TNRC6B: variants seen among roughly 807,000 people sequenced by gnomAD.
TNRC6B encodes the protein trinucleotide repeat containing adaptor 6B, also known as trinucleotide repeat-containing gene 6B protein.
TNRC6B carries 52 observed loss-of-function variants against 203.6 expected under a neutral mutation model. The ratio of observed to expected loss-of-function variants is 0.26; its 90% CI spans 0.20 to 0.32. The LOEUF is 0.32. Among genes scored for constraint, TNRC6B ranks in the 10% least tolerant of loss-of-function variants. The pLI, the probability that TNRC6B is intolerant of heterozygous loss-of-function variation, is 1.00. For missense variants in TNRC6B, 1,923 were observed against 2,286.2 expected (o/e 0.84, Z 3.24); for synonymous variants, 838 against 845.7 (o/e 0.99, Z 0.16).
At chr22:40,045,061 G>T (rs1354171050) in intron 1 of TNRC6B, 2 of 145,800 alleles carry the variant, frequency 1.4e-5, no homozygotes, top group African/African-American at 4.9e-5. Flanking sequence ...GGACGGAGCG[G>T]GGCGGCCGGG....
At chr22:40,073,151 T>G (rs1011530374) in intron 1 of TNRC6B, among the ~76,000 whole-genome samples, 3 of 150,674 alleles carry the variant, frequency 2.0e-5, no homozygotes, top group Non-Finnish European at 3.0e-5. Context: ...GTTTTTTTTT[T>G]TTTTTTTTTT....
chr22:40,154,548 A>G (rs992582283), intron 3 of TNRC6B, among the ~76,000 whole-genome samples: 2 of 151,302 alleles, frequency 1.3e-5, no homozygotes, highest in African/African-American at 4.9e-5. Flanking sequence ...GGTTAAAAAT[A>G]CATATTTTCT....
intron 11 of TNRC6B, among the ~76,000 whole-genome samples, chr22:40,282,322 AT>A (rs2070729447): frequency 6.6e-6 from 1 of 152,202 alleles, no homozygotes; most frequent in Admixed American, 6.5e-5. Context: ...TAAAAAATGG[AT>A]TATACTATAT....
At chr22:40,273,739 G>A (rs1056312296) in intron 7 of TNRC6B, 139 bp downstream of exon 7, 16 of 904,412 alleles carry the variant, frequency 1.8e-5, no homozygotes, top group Middle Eastern at 3.6e-4. Flanking sequence ...GTCACGACTC[G>A]CTGAGCAACC....
intron 12 of TNRC6B, among the ~76,000 whole-genome samples, chr22:40,297,949 C>T (rs1044269841): frequency 6.6e-6 from 1 of 151,622 alleles, no homozygotes; most frequent in South Asian, 2.1e-4. Context: ...GGTGAAACCC[C>T]GTCTCTACTA....
chr22:40,258,264 A>G (rs2070315421), intron 3 of TNRC6B, among the ~76,000 whole-genome samples: 1 of 151,948 alleles, frequency 6.6e-6, no homozygotes, highest in African/African-American at 2.4e-5. Flanking sequence ...ACAGCCTGAA[A>G]AGTAACATAT....
chr22:40,075,156 A>ATTTTTTT (rs58240994), intron 1 of TNRC6B, among the ~76,000 whole-genome samples: 6 of 35,550 alleles, frequency 1.7e-4, no homozygotes, highest in Non-Finnish European at 2.6e-4. Flanking sequence ...ATATATATAT[A>ATTTTTTT]TTTTTTTTTT....
intron 1 of TNRC6B, among the ~76,000 whole-genome samples, chr22:40,113,865 T>G (rs563837148): frequency 6.6e-6 from 1 of 152,238 alleles, no homozygotes; most frequent in Admixed American, 6.5e-5. Flanking sequence ...GCTGCCTCAC[T>G]TAAGACATCT....
chr22:40,172,329 T>G (rs192587182), intron 4 of TNRC6B, among the ~76,000 whole-genome samples: 8 of 152,384 alleles, frequency 5.2e-5, no homozygotes, highest in African/African-American at 1.9e-4. Context: ...TATGAGGATG[T>G]CAGCTCCATA....
chr22:40,049,250 T>C (rs775350434), intron 1 of TNRC6B, among the ~76,000 whole-genome samples: 72 of 152,124 alleles, frequency 4.7e-4, no homozygotes, highest in Non-Finnish European at 7.9e-4. Context: ...TTCACCATGT[T>C]GGCCAGGCTG....
intron 1 of TNRC6B, among the ~76,000 whole-genome samples, chr22:40,196,860 A>G (rs919333807): frequency 4.6e-5 from 7 of 152,040 alleles, no homozygotes; most frequent in African/African-American, 1.7e-4. Flanking sequence ...GAACTGATTC[A>G]TTAAGTGCCT....
chr22:40,278,042 T>C lies in TNRC6B; in HGVS notation c.3260T>C (p.Val1087Ala). The change falls in exon 9 of 23, where the codon GTA becomes GCA. Residue 1087 changes from valine to alanine, a missense_variant and splice_region_variant. Val to Ala is a moderately conservative substitution (Grantham distance 64). This residue lies in a region of TNRC6B where 599 missense variants were observed against 656.5 expected (regional missense o/e 0.91). Transcript: ENST00000454349. ...DNPSSKMDLSVGSLSDKKFDV... is the reference protein window; with the variant it reads ...DNPSSKMDLSAGSLSDKKFDV... ...CCAAGCAGCAAAATGGATTTGTCTG[T>C]AGGTGTGTATCACTCCGCTGAAAAG... is the stretch of plus-strand genomic sequence containing the variant. 6.4e-7 allele frequency: 1 copy of C among 1,561,114 alleles called. No individual in the cohort carries two copies.
At chr22:40,217,882 G>A (rs1217052282) in intron 1 of TNRC6B, among the ~76,000 whole-genome samples, 2 of 150,848 alleles carry the variant, frequency 1.3e-5, no homozygotes, top group Non-Finnish European at 2.9e-5. Flanking sequence ...GGCTGAGGCA[G>A]GAGAATCACT....
chr22:40,295,599 A>G (rs981688244), intron 12 of TNRC6B, among the ~76,000 whole-genome samples: 31 of 152,288 alleles, frequency 2.0e-4, no homozygotes, highest in African/African-American at 7.5e-4. Context: ...CCAAAGAATG[A>G]TGAAATGAGA....
At chr22:40,212,588 T>C (rs2069579663) in intron 1 of TNRC6B, among the ~76,000 whole-genome samples, 1 of 152,248 alleles carries the variant, frequency 6.6e-6, no homozygotes, top group Admixed American at 6.5e-5. Context: ...GTGTCCTCTG[T>C]GGCTGGGCAG....
At chr22:40,117,435 G>A (rs1423279117) in intron 2 of TNRC6B, among the ~76,000 whole-genome samples, 1 of 151,940 alleles carries the variant, frequency 6.6e-6, no homozygotes, top group Non-Finnish European at 1.5e-5. Context: ...CCCTGCTGCG[G>A]TCTGTAGTCC....
At chr22:40,140,449 CA>C in intron 3 of TNRC6B, among the ~76,000 whole-genome samples, 1 of 152,228 alleles carries the variant, frequency 6.6e-6, no homozygotes, top group East Asian at 1.9e-4. Flanking sequence ...GGGACTGGAG[CA>C]ACCATCTTAA....
At chr22:40,157,451 A>T (rs1000397053) in intron 4 of TNRC6B, among the ~76,000 whole-genome samples, 2 of 152,216 alleles carry the variant, frequency 1.3e-5, no homozygotes, top group Non-Finnish European at 2.9e-5. Flanking sequence ...CTATGCTGCC[A>T]CGAGGCCAGA....
intron 4 of TNRC6B, among the ~76,000 whole-genome samples, chr22:40,263,456 C>T (rs1188346331): frequency 6.6e-6 from 1 of 152,120 alleles, no homozygotes; most frequent in Non-Finnish European, 1.5e-5. Context: ...TTTCTGCAGC[C>T]GAGTGTAGCC....
Sources: allele counts gnomAD v4.1 joint callset (sites outside exome capture counted in the v4.1 genomes callset), GRCh38; gene constraint gnomAD v4.1.1; regional missense constraint gnomAD v4.1.1; transcripts MANE v1.5; gene names NCBI Gene and HGNC (gene_info 2026-07-23, HGNC 2026-07-21).